METTL25B: variants seen among roughly 807,000 people sequenced by gnomAD.
The protein encoded by METTL25B is methyltransferase-like protein 25B.
METTL25B carries 38 observed loss-of-function variants against 48.4 expected under a neutral mutation model. The ratio of observed to expected loss-of-function variants is 0.78; its 90% CI spans 0.61 to 1.03. The LOEUF (loss-of-function observed/expected upper bound fraction) is 1.03. Among genes scored for constraint, METTL25B ranks in the 50% least tolerant of loss-of-function variants. The pLI, the probability that METTL25B is intolerant of heterozygous loss-of-function variation, is 0.00. For missense variants in METTL25B, 537 were observed against 603.7 expected (o/e 0.89, Z 1.16); for synonymous variants, 230 against 254.5 (o/e 0.90, Z 0.92).
rs779590933 is a variant in METTL25B, at chr1:156,734,458, G to C, written c.1086G>C (p.Gln362His). Residue 362 changes from glutamine to histidine, a missense_variant, in exon 6 of 8, where the codon CAG becomes CAC. By Grantham distance (24) the Gln-to-His change is conservative. Transcript: ENST00000368216. Reference protein sequence around the residue: ...ARPELRRPGVQGIPRVHELKI... With the variant: ...ARPELRRPGVHGIPRVHELKI... ...CCGAGCTCCGTCGGCCAGGCGTGCA[G>C]GGTATCCCCAGGGTCCACGAGCTCA... The C allele has an allele frequency of 3.7e-6, 6 of 1,602,188 alleles. No individual in the cohort carries two copies. In the South Asian group the frequency reaches 6.7e-5, roughly 18 times the overall value.
chr1:156,734,667 G>T (rs537964234), intron 6 of METTL25B, among the ~76,000 whole-genome samples, 174 bp downstream of exon 6: 65 of 151,780 alleles, frequency 4.3e-4, no homozygotes, highest in African/African-American at 1.5e-3. Flanking sequence ...GAGTAGCTGG[G>T]ACTACAGGTG....
Position 156,734,309 on chromosome 1 carries a change from C to T in METTL25B, c.937C>T (p.Arg313Trp), listed in dbSNP as rs755567764. The change falls in exon 6 of 8, where the codon CGG (arginine) becomes TGG (tryptophan). Residue 313 changes from arginine (R) to tryptophan (W), a missense_variant. Physicochemically the swap from Arg to Trp is moderately radical, Grantham distance 101 (BLOSUM62 -3). Transcript: ENST00000368216. ...GCTGCCTGGCTATGAACTGCCCTAC[C>T]GGCTTCGGGAGGGGGCCTGCCATGC... The part of the protein sequence containing the change: ...AGLPGYELPY[R>W]LREGACHALE... 1.5e-5 allele frequency: 25 copies of T among 1,614,098 alleles called. No homozygotes were observed. Among genetic ancestry groups the T allele is most frequent in the Admixed American group, 5.0e-5 (3 of 60,024 alleles).
intron 6 of METTL25B, 150 bp downstream of exon 6, chr1:156,734,643 T>G: frequency 1.1e-6 from 1 of 912,310 alleles, no homozygotes. Flanking sequence ...GCCATTCTCA[T>G]GCCTCAGCCT....
intron 7 of METTL25B, 43 bp downstream of exon 7, chr1:156,735,952 G>T: frequency 6.6e-7 from 1 of 1,514,960 alleles, no homozygotes; most frequent in Non-Finnish European, 9.0e-7. Flanking sequence ...TATAGTGACT[G>T]GGGTTCTGGG....
chr1:156,736,630 A>G lies in METTL25B; in HGVS notation c.1307-2A>G. On this transcript the variant is annotated splice_acceptor_variant, in intron 7 of 7. Transcript: ENST00000368216. LOFTEE classifies it high-confidence loss of function. Reference sequence around the variant, plus strand: ...CCCTTATGATTAAGCCCTTTCTCCCAGGTTTCCATGCTGAGCTCCTGCCCA... The same window carrying G: ...CCCTTATGATTAAGCCCTTTCTCCCGGGTTTCCATGCTGAGCTCCTGCCCA... 6.2e-7 allele frequency: 1 copy of G among 1,613,980 alleles called. No individual in the cohort carries two copies. Among genetic ancestry groups the G allele is most frequent in the Non-Finnish European group, 8.5e-7 (1 of 1,179,974 alleles).
intron 4 of METTL25B, 24 bp from the exon 5 acceptor site, chr1:156,733,352 GT>G (rs774330679): frequency 6.2e-7 from 1 of 1,613,806 alleles, no homozygotes; most frequent in Admixed American, 1.7e-5. Context: ...GAACAGGGCT[GT>G]TTCCATCCTC....
At chr1:156,736,016 T>G (rs1025356782) in intron 7 of METTL25B, 107 bp downstream of exon 7, 32 of 990,344 alleles carry the variant, frequency 3.2e-5, no homozygotes, top group Non-Finnish European at 4.2e-5. Flanking sequence ...TAATCACTGT[T>G]GTGATCCTTG....
rs1571509914 is a variant in METTL25B at position 156,732,117 on chromosome 1, T to A, written c.236+2T>A. 1 of 1,614,114 alleles carries A rather than the reference T, an allele frequency of 6.2e-7. No homozygotes were observed. Among genetic ancestry groups the A allele is most frequent in the Non-Finnish European group, 8.5e-7 (1 of 1,180,004 alleles). On this transcript the variant is annotated splice_donor_variant, in intron 2 of 7. Coordinates refer to ENST00000368216, the MANE Select transcript of METTL25B (RefSeq NM_015997.4). LOFTEE classifies it high-confidence loss of function. ...GCCTGGGGAAGGGGAGGTCGTCAGGTATGGGCTAGAAGGTCCCTGTGCTGG... is the reference window on the plus strand; with the variant it reads ...GCCTGGGGAAGGGGAGGTCGTCAGGAATGGGCTAGAAGGTCCCTGTGCTGG...
At chr1:156,730,386 G>A (rs1371448432) in intron 1 of METTL25B, among the ~76,000 whole-genome samples, 1 of 152,096 alleles carries the variant, frequency 6.6e-6, no homozygotes, top group South Asian at 2.1e-4. Context: ...AAAGGCAATC[G>A]CAGAATGGTT....
rs1649497881 is a variant in METTL25B at position 156,733,906 on chromosome 1, C to T, written c.637-103C>T. 8 of 1,469,760 alleles carry T rather than the reference C, an allele frequency of 5.4e-6. No homozygotes were observed. The Admixed American group carries it at 8.9e-5, about 16-fold the overall frequency. The allele number at this position is 1,469,760 out of a possible 1,614,324, so 91.0% of individuals were successfully genotyped here. A position where few individuals can be genotyped will look rare whatever the true frequency, so the allele number is the denominator to read the frequency against. On this transcript the variant is annotated intron_variant, in intron 5 of 7. Transcript: ENST00000368216. ...ACCCACCTTATCTCCCACATTCCTCCTTGGGGAATAACATGGAGGACAGAT... is the reference window on the plus strand; with the variant it reads ...ACCCACCTTATCTCCCACATTCCTCTTTGGGGAATAACATGGAGGACAGAT...
rs373192482 is a variant in METTL25B at position 156,728,615 on chromosome 1, G to A, written c.-490G>A. On this transcript the variant is annotated 5_prime_UTR_variant, in exon 1 of 8. Coordinates refer to ENST00000368216, the MANE Select transcript of METTL25B (RefSeq NM_015997.4). ...GGAGCGGCAGTGGCGGCGGAGGAGG[G>A]GGCGGCGTGGGTGGGGGCGGGGGCG... is the stretch of plus-strand genomic sequence containing the variant. The A allele has an allele frequency of 1.0e-6, 1 of 985,420 alleles. No homozygotes were observed. 61.0% of individuals were successfully genotyped at this position (985,420 alleles called of 1,614,324 possible).
rs896799650 is a variant in METTL25B, at chr1:156,728,551, C to T, written c.-554C>T. On this transcript the variant is annotated 5_prime_UTR_variant, in exon 1 of 8. Transcript: ENST00000368216. Reference sequence around the variant, plus strand: ...CGGCGCGCGCACACCCGCACCGCCCCGACCCCAGGTAGTGAGGCCAGTGAT... The same window carrying T: ...CGGCGCGCGCACACCCGCACCGCCCTGACCCCAGGTAGTGAGGCCAGTGAT... 5 of 985,434 alleles carry T rather than the reference C, an allele frequency of 5.1e-6. No homozygotes were observed. The East Asian group carries it at 3.4e-4, about 67-fold the overall frequency. 61.0% of individuals were successfully genotyped at this position (985,434 alleles called of 1,614,324 possible).
At chr1:156,731,022 C>T (rs1353422386) in intron 1 of METTL25B, among the ~76,000 whole-genome samples, 1 of 152,230 alleles carries the variant, frequency 6.6e-6, no homozygotes, top group Non-Finnish European at 1.5e-5. Flanking sequence ...ACAGGTCTTC[C>T]CTCATCATCC....
At chr1:156,733,139 A>G (rs537240010) in intron 4 of METTL25B, 92 bp downstream of exon 4, 2 of 1,318,798 alleles carry the variant, frequency 1.5e-6, no homozygotes, top group South Asian at 1.3e-5. Flanking sequence ...CCAGCGAGGC[A>G]GGTGTCAAGA....
intron 3 of METTL25B, among the ~76,000 whole-genome samples, chr1:156,732,781 G>A (rs1260493688): frequency 6.6e-6 from 1 of 151,980 alleles, no homozygotes; most frequent in East Asian, 1.9e-4. Flanking sequence ...GAGGCAAGGA[G>A]AGTGGGCCTG....
chr1:156,730,033 T>C (rs548651434), intron 1 of METTL25B, among the ~76,000 whole-genome samples: 1 of 152,228 alleles, frequency 6.6e-6, no homozygotes, highest in Non-Finnish European at 1.5e-5. Context: ...GCTGCCACCC[T>C]AGGCCAAGCC....
intron 1 of METTL25B, 191 bp downstream of exon 1, chr1:156,729,406 T>C (rs1649040529): frequency 2.2e-6 from 1 of 462,730 alleles, no homozygotes; most frequent in East Asian, 3.9e-5. Flanking sequence ...ATAATATTTC[T>C]TTTTTTTTCT....
intron 1 of METTL25B, 95 bp downstream of exon 1, chr1:156,729,310 TCTTTC>T (rs1649026293): frequency 2.8e-6 from 2 of 717,570 alleles, no homozygotes; most frequent in African/African-American, 1.8e-5. Context: ...GCCTCTGATC[TCTTTC>T]CTTCTATGAG....
At chr1:156,734,605 C>T (rs1271065110) in intron 6 of METTL25B, 112 bp downstream of exon 6, 10 of 1,196,058 alleles carry the variant, frequency 8.4e-6, no homozygotes, top group East Asian at 5.1e-5. Flanking sequence ...GATCTCGGCT[C>T]ACTGCAAGCT....
Sources: gnomAD v4.1 joint callset for allele counts (sites outside exome capture counted in the v4.1 genomes callset) on GRCh38, gnomAD v4.1.1 for gene constraint, MANE v1.5 for transcripts, NCBI Gene and HGNC (gene_info 2026-07-23, HGNC 2026-07-21) for gene names.